Variants in USH2A observed in about 807,000 individuals in gnomAD.
The protein encoded by USH2A is Usher syndrome 2A (autosomal recessive, mild).
USH2A carries 443 observed loss-of-function variants against 538.9 expected under a neutral mutation model. The ratio of observed to expected loss-of-function variants is 0.82; its 90% CI spans 0.76 to 0.89. The LOEUF is 0.89. Among genes scored for constraint, USH2A ranks in the 40% least tolerant of loss-of-function variants. The pLI is 0.00. For missense variants in USH2A, 6,633 were observed against 6,324.8 expected (o/e 1.05, Z -1.65); for synonymous variants, 2,413 against 2,273.5 (o/e 1.06, Z -1.75).
intron 27 of USH2A, among the ~76,000 whole-genome samples, chr1:216,077,615 T>G (rs1016339829): frequency 3.4e-5 from 5 of 146,402 alleles, no homozygotes; most frequent in Non-Finnish European, 6.0e-5. Flanking sequence ...ATATATTTCT[T>G]ATATAATTAT....
chr1:215,766,879 T>C (rs1010134492), intron 55 of USH2A, 91 bp from the exon 56 acceptor site: 12 of 1,193,982 alleles, frequency 1.0e-5, no homozygotes, highest in South Asian at 8.8e-5. Context: ...GTTGTAGATA[T>C]GATAGCCAAA....
At chr1:215,629,131 T>C in intron 70 of USH2A, 96 bp from the exon 71 acceptor site, 2 of 1,263,852 alleles carry the variant, frequency 1.6e-6, no homozygotes, top group East Asian at 2.3e-5. Flanking sequence ...GTGAAGGGAA[T>C]GACTGTCTCC....
chr1:215,987,761 A>T (rs971107739), intron 35 of USH2A, among the ~76,000 whole-genome samples: 1 of 152,198 alleles, frequency 6.6e-6, no homozygotes, highest in Admixed American at 6.5e-5. Flanking sequence ...ATTCAGTGGG[A>T]TTGCATACTG....
intron 10 of USH2A, among the ~76,000 whole-genome samples, chr1:216,290,964 TC>T: frequency 6.6e-6 from 1 of 152,304 alleles, no homozygotes. Context: ...ATCCGTACCA[TC>T]TGAAATGTAT....
At chr1:216,386,313 C>T (rs879736851) in intron 3 of USH2A, among the ~76,000 whole-genome samples, 3 of 151,136 alleles carry the variant, frequency 2.0e-5, no homozygotes, top group Admixed American at 2.0e-4. Context: ...CTGGCTAACA[C>T]GGTGAAACCC....
chr1:216,162,460 C>T (rs928437359), intron 21 of USH2A, among the ~76,000 whole-genome samples: 46 of 152,094 alleles, frequency 3.0e-4, no homozygotes, highest in African/African-American at 1.1e-3. Flanking sequence ...TCTTTGTCTG[C>T]CTCTATCGAC....
At chr1:215,945,374 T>C (rs1438616299) in intron 37 of USH2A, among the ~76,000 whole-genome samples, 1 of 152,124 alleles carries the variant, frequency 6.6e-6, no homozygotes, top group Non-Finnish European at 1.5e-5. Flanking sequence ...GTTTTCTTAT[T>C]GTTAACCTAG....
intron 37 of USH2A, among the ~76,000 whole-genome samples, chr1:215,936,046 T>C (rs547464698): frequency 6.6e-6 from 1 of 152,048 alleles, no homozygotes; most frequent in South Asian, 2.1e-4. Context: ...TTTTTTTATC[T>C]AAAAGAGCAC....
chr1:215,998,342 T>C (rs1668185364), intron 34 of USH2A, among the ~76,000 whole-genome samples: 1 of 152,078 alleles, frequency 6.6e-6, no homozygotes, highest in African/African-American at 2.4e-5. Flanking sequence ...ATTTAAAAAA[T>C]GCTATTGTTT....
chr1:216,266,526 T>G (rs1276426785), intron 11 of USH2A, among the ~76,000 whole-genome samples: 5 of 152,108 alleles, frequency 3.3e-5, no homozygotes, highest in African/African-American at 9.7e-5. Flanking sequence ...ATTCAAAACT[T>G]TAACTTCCTA....
At chr1:216,340,853 T>C (rs958468680) in intron 4 of USH2A, among the ~76,000 whole-genome samples, 1 of 152,018 alleles carries the variant, frequency 6.6e-6, no homozygotes, top group African/African-American at 2.4e-5. Context: ...CTCAAAATAA[T>C]AAGAGCTATT....
chr1:215,917,536 G>A (rs1377795964), intron 38 of USH2A, among the ~76,000 whole-genome samples: 1 of 151,796 alleles, frequency 6.6e-6, no homozygotes. Flanking sequence ...AAATTGATAT[G>A]CTTAGCAAGG....
At chr1:216,015,341 C>T (rs1360777944) in intron 32 of USH2A, among the ~76,000 whole-genome samples, 2 of 152,182 alleles carry the variant, frequency 1.3e-5, no homozygotes, top group African/African-American at 4.8e-5. Context: ...TTCATCTCTG[C>T]CATTGTGTAG....
chr1:216,052,340 G>A (rs1259856167), intron 30 of USH2A, among the ~76,000 whole-genome samples: 2 of 143,804 alleles, frequency 1.4e-5, no homozygotes, highest in Non-Finnish European at 3.0e-5. Context: ...TGAGAAATGA[G>A]AGCTGAAAAA....
At chr1:216,125,229 T>C (rs1340843812) in intron 21 of USH2A, among the ~76,000 whole-genome samples, 2 of 130,558 alleles carry the variant, frequency 1.5e-5, no homozygotes. Context: ...TCAGCTTTTA[T>C]TTAAACAAGC....
rs748060796 is a variant in USH2A at position 215,866,998 on chromosome 1, C to G, written c.8845+9G>C. 1 of 1,613,606 alleles carries G rather than the reference C, an allele frequency of 6.2e-7. No individual in the cohort carries two copies. The highest frequency in any genetic ancestry group is 8.5e-7 in the Non-Finnish European group (1 of 1,179,900). On this transcript the variant is annotated intron_variant, in intron 44 of 71. Coordinates refer to ENST00000307340, the MANE Select transcript of USH2A (RefSeq NM_206933.4). The stretch of plus-strand genomic sequence containing the variant: ...AAAGTGTTAACACAGGTATGAGAAG[C>G]TTACTTACTTGGTTTAGCCCACCTC...
chr1:215,837,618 G>A (rs1663568447), intron 47 of USH2A, among the ~76,000 whole-genome samples: 1 of 152,100 alleles, frequency 6.6e-6, no homozygotes, highest in African/African-American at 2.4e-5. Flanking sequence ...AGGGCACTCT[G>A]ATGTATATAA....
At chr1:216,177,901 G>A (rs141356239) in intron 20 of USH2A, among the ~76,000 whole-genome samples, 22 of 152,106 alleles carry the variant, frequency 1.4e-4, no homozygotes, top group African/African-American at 4.1e-4. Flanking sequence ...CATAATCACC[G>A]AGCCTATTTA....
At chr1:216,012,897 C>T (rs373716986) in intron 32 of USH2A, among the ~76,000 whole-genome samples, 1 of 152,102 alleles carries the variant, frequency 6.6e-6, no homozygotes, top group South Asian at 2.1e-4. Flanking sequence ...AACTTGTCAT[C>T]CCTACTATCT....
Sources: gnomAD v4.1 joint callset for allele counts (sites outside exome capture counted in the v4.1 genomes callset) on GRCh38, gnomAD v4.1.1 for gene constraint, MANE v1.5 for transcripts, NCBI Gene and HGNC (gene_info 2026-07-23, HGNC 2026-07-21) for gene names.